Variants in PDE11A observed in about 807,000 individuals in gnomAD.
The protein encoded by PDE11A is phosphodiesterase 11A.
In PDE11A, 100 loss-of-function variants were observed where a neutral mutation model predicts 100.5. The observed-to-expected ratio is 1.00, with a 90% CI of 0.85 to 1.18. The LOEUF (loss-of-function observed/expected upper bound fraction) is 1.18, where lower values mean the gene tolerates loss of function less well. Among genes scored for constraint, PDE11A ranks in the 50% most tolerant of loss-of-function variants. The pLI is 0.00. For missense variants in PDE11A, 1,141 were observed against 1,152.6 expected, an observed-to-expected ratio of 0.99 and a Z score of 0.15; for synonymous variants, 381 against 420.8, an observed-to-expected ratio of 0.91 and a Z score of 1.16.
chr2:177,970,374 G>A (rs1035013129), intron 2 of PDE11A, among the ~76,000 whole-genome samples: 19 of 151,996 alleles, frequency 1.3e-4, no homozygotes, highest in Admixed American at 6.6e-5. Context: ...AGATCCAAGA[G>A]TCATTTCTAG....
intron 10 of PDE11A, among the ~76,000 whole-genome samples, chr2:177,741,181 G>A (rs926506170): frequency 2.0e-5 from 3 of 152,200 alleles, no homozygotes; most frequent in Non-Finnish European, 4.4e-5. Context: ...GAGGCTGGAA[G>A]TGCAAAAGCA....
chr2:178,007,097 C>T (rs1018071727), intron 2 of PDE11A, among the ~76,000 whole-genome samples: 3 of 152,178 alleles, frequency 2.0e-5, no homozygotes, highest in Non-Finnish European at 2.9e-5. Context: ...ATTCCCACTA[C>T]ATCTATGTTA....
chr2:177,637,163 G>T (rs766710361), intron 19 of PDE11A, among the ~76,000 whole-genome samples: 1 of 152,250 alleles, frequency 6.6e-6, no homozygotes, highest in Non-Finnish European at 1.5e-5. Context: ...GTCCCACGAA[G>T]TAGGTACTTT....
At chr2:177,773,884 C>T (rs1288100160) in intron 9 of PDE11A, among the ~76,000 whole-genome samples, 5 of 152,130 alleles carry the variant, frequency 3.3e-5, no homozygotes, top group Admixed American at 6.6e-5. Flanking sequence ...TCTAAGAATC[C>T]GTAGAAAAAC....
chr2:177,786,077 C>A (rs548890629), intron 9 of PDE11A, among the ~76,000 whole-genome samples: 3 of 152,322 alleles, frequency 2.0e-5, no homozygotes, highest in Admixed American at 1.3e-4. Flanking sequence ...AACGGGCAGA[C>A]TGCCTCGTCA....
chr2:177,771,285 T>A (rs950041427), intron 9 of PDE11A, among the ~76,000 whole-genome samples: 1 of 152,252 alleles, frequency 6.6e-6, no homozygotes, highest in African/African-American at 2.4e-5. Context: ...CAAATTTAAT[T>A]AGCCACAGAA....
rs115888723 is a variant in PDE11A, at chr2:177,857,229, A to G, written c.1368-16846T>C. On this transcript the variant is annotated intron_variant, in intron 5 of 19. Coordinates refer to ENST00000286063, the MANE Select transcript of PDE11A (RefSeq NM_016953.4). ...TATACTTCAAAAATGAAAAATTAAG[A>G]CATTCTCAAATAAACAAAAACTGAG... is the stretch of plus-strand genomic sequence containing the variant. Among the ~76,000 whole-genome samples, 1,104 of 152,122 alleles carry G rather than the reference A, an allele frequency of 7.3e-3. 12 individuals are homozygous for G. Among genetic ancestry groups the G allele is most frequent in the African/African-American group, 0.025 (1,028 of 41,548 alleles).
intron 6 of PDE11A, among the ~76,000 whole-genome samples, chr2:177,827,861 T>C (rs73036088): frequency 0.097 from 14,730 of 152,280 alleles, 746 homozygotes; most frequent in Middle Eastern, 0.14. Context: ...ATGCAGTTTA[T>C]GTACATGCTA....
intron 12 of PDE11A, among the ~76,000 whole-genome samples, chr2:177,724,688 C>T (rs923841242): frequency 6.6e-6 from 1 of 152,192 alleles, no homozygotes; most frequent in East Asian, 1.9e-4. Context: ...TGCTCTTTTC[C>T]GACAGACTGG....
chr2:177,698,937 T>C (rs934808), intron 14 of PDE11A, among the ~76,000 whole-genome samples: 2,712 of 152,292 alleles, frequency 0.018, 71 homozygotes, highest in African/African-American at 0.062. Flanking sequence ...GGTCCAGCGA[T>C]GCACCCAGAA....
At chr2:177,912,787 A>G (rs1207278671) in intron 2 of PDE11A, among the ~76,000 whole-genome samples, 1 of 152,186 alleles carries the variant, frequency 6.6e-6, no homozygotes, top group Admixed American at 6.5e-5. Context: ...TTCCTTTCAC[A>G]TAAAGCCAAA....
At chr2:177,644,623 C>T (rs1419075476) in intron 19 of PDE11A, among the ~76,000 whole-genome samples, 1 of 152,100 alleles carries the variant, frequency 6.6e-6, no homozygotes. Context: ...TGAGCTAAGG[C>T]TTTGGGGGAC....
intron 12 of PDE11A, among the ~76,000 whole-genome samples, chr2:177,724,303 C>A (rs757162643): frequency 1.3e-5 from 2 of 151,860 alleles, no homozygotes; most frequent in Non-Finnish European, 2.9e-5. Flanking sequence ...TATCAATTTG[C>A]CTGTCCTACA....
Position 178,018,391 on chromosome 2 carries a change from T to TTGACTTTAACC in PDE11A, c.913-3932_913-3931insGGTTAAAGTCA, listed in dbSNP as rs2086366608. ...CCTTTTGGCACACTTGACTTTAACC[T>TTGACTTTAACC]TTGCCGGGCTTTGTGATTTCAACTA... On this transcript the variant is annotated intron_variant, in intron 1 of 19. Transcript: ENST00000286063. The TTGACTTTAACC allele has an allele frequency of 6.8e-5, 34 of 499,336 alleles. 1 individual carries two copies. The highest frequency in any genetic ancestry group is 5.1e-4 in the South Asian group (34 of 66,674). The allele number at this position is 499,336 out of a possible 1,614,324, so 30.9% of individuals were successfully genotyped here.
intron 6 of PDE11A, among the ~76,000 whole-genome samples, chr2:177,832,442 G>T (rs113335459): frequency 6.6e-6 from 1 of 152,038 alleles, no homozygotes; most frequent in Non-Finnish European, 1.5e-5. Flanking sequence ...CTCGAACATC[G>T]GTCTCCAAGT....
At chr2:177,639,576 C>T (rs898084817) in intron 19 of PDE11A, among the ~76,000 whole-genome samples, 5 of 152,182 alleles carry the variant, frequency 3.3e-5, no homozygotes, top group African/African-American at 9.7e-5. Context: ...TGTAAAAACA[C>T]ATCTAGAATG....
rs567941569 is a variant in PDE11A, at chr2:177,661,462, T to G, written c.2646+2404A>C. 1.1e-4 allele frequency among the ~76,000 whole-genome samples: 17 copies of G among 152,282 alleles called. No individual in the cohort carries two copies. The East Asian group carries it at 2.7e-3, about 24-fold the overall frequency. Reference sequence around the variant, plus strand: ...CAAATGGTGATTCCTGCCCACTGACTGATTCAATTTCATTTCGGAAGCACC... The same window carrying G: ...CAAATGGTGATTCCTGCCCACTGACGGATTCAATTTCATTTCGGAAGCACC... On this transcript the variant is annotated intron_variant, in intron 19 of 19. Coordinates refer to ENST00000286063, the MANE Select transcript of PDE11A (RefSeq NM_016953.4).
intron 4 of PDE11A, among the ~76,000 whole-genome samples, chr2:177,883,178 A>G (rs1279766732): frequency 6.6e-6 from 1 of 151,878 alleles, no homozygotes; most frequent in East Asian, 1.9e-4. Context: ...CTGAGGCAGG[A>G]GAATCGTTTG....
chr2:177,785,975 A>G (rs2082531239), intron 9 of PDE11A, among the ~76,000 whole-genome samples: 1 of 152,182 alleles, frequency 6.6e-6, no homozygotes, highest in Admixed American at 6.5e-5. Context: ...GACAAACAAA[A>G]AGATAGCAGT....
Sources: allele counts gnomAD v4.1 joint callset (sites outside exome capture counted in the v4.1 genomes callset), GRCh38; gene constraint gnomAD v4.1.1; transcripts MANE v1.5; gene names NCBI Gene and HGNC (gene_info 2026-07-23, HGNC 2026-07-21).